Variants in RSPO3 observed in about 807,000 individuals in gnomAD.
RSPO3 encodes R-spondin 3.
In RSPO3, 17 loss-of-function variants were observed where a neutral mutation model predicts 36.5. That is an observed-to-expected ratio of 0.47 (90% confidence interval 0.32 to 0.70). The LOEUF is 0.70. RSPO3 is among the 30% of genes least tolerant of loss of function. The probability of loss-of-function intolerance (pLI) is 0.04; values close to 1 mark genes in which losing one functional copy is unlikely to be tolerated. For missense variants in RSPO3, 294 were observed against 322.5 expected, an observed-to-expected ratio of 0.91 and a Z score of 0.68; for synonymous variants, 108 against 107.0, an observed-to-expected ratio of 1.01 and a Z score of -0.06.
chr6:127,152,901 A>G (rs550199374), intron 3 of RSPO3, among the ~76,000 whole-genome samples: 2 of 152,126 alleles, frequency 1.3e-5, no homozygotes, highest in South Asian at 4.1e-4. Context: ...CAGAGAGAAT[A>G]TATCTCACTT....
At position 127,197,145 on chromosome 6, in the gene RSPO3, A is replaced by G. The variant is rs944219339; in HGVS notation, c.*1138A>G. On this transcript the variant is annotated 3_prime_UTR_variant, in exon 5 of 5. Transcript: ENST00000356698. ...TGCTAACTCAGAGAACCTGGTTCCT[A>G]TGTAATTCAGAATATATTACATTTC... 1 of 284,008 alleles carries G rather than the reference A, an allele frequency of 3.5e-6. No homozygotes were observed. The allele number at this position is 284,008 out of a possible 1,614,324, so 17.6% of individuals were successfully genotyped here. A position where few individuals can be genotyped will look rare whatever the true frequency, so the allele number is the denominator to read the frequency against.
rs545653102 is a variant in RSPO3 at position 127,145,295 on chromosome 6, T to C, written c.98-3353T>C. Among the ~76,000 whole-genome samples the C allele has an allele frequency of 1.1e-3, 165 of 152,246 alleles. 1 individual carries two copies. The highest frequency in any genetic ancestry group is 4.1e-3 in the South Asian group (20 of 4,820). On this transcript the variant is annotated intron_variant, in intron 1 of 4. Coordinates refer to ENST00000356698, the MANE Select transcript of RSPO3 (RefSeq NM_032784.5). ...CATGCATCCCTTCCTCACTACATTA[T>C]ATTGCCTCTGCCGTACTTTAAGTTA...
chr6:127,163,208 A>G (rs1015294257), intron 4 of RSPO3, among the ~76,000 whole-genome samples: 1 of 152,090 alleles, frequency 6.6e-6, no homozygotes, highest in Non-Finnish European at 1.5e-5. Context: ...ATATTTCTCC[A>G]GCAAAAAGAC....
chr6:127,184,533 T>C (rs1029402924), intron 4 of RSPO3, among the ~76,000 whole-genome samples: 1 of 151,988 alleles, frequency 6.6e-6, no homozygotes, highest in Non-Finnish European at 1.5e-5. Flanking sequence ...AGTCTATGCA[T>C]AGGAGGTTGA....
At chr6:127,119,328 C>A in intron 1 of RSPO3, 39 bp downstream of exon 1, 2 of 1,463,390 alleles carry the variant, frequency 1.4e-6, no homozygotes, top group Non-Finnish European at 1.9e-6. Flanking sequence ...TCCCTCCCGC[C>A]GCGTTCACCT....
intron 4 of RSPO3, among the ~76,000 whole-genome samples, chr6:127,176,677 C>T (rs983980959): frequency 6.6e-6 from 1 of 151,560 alleles, no homozygotes; most frequent in African/African-American, 2.4e-5. Flanking sequence ...TATAATAATC[C>T]AGGGTTTGAA....
At chr6:127,151,796 C>T (rs1774495830) in intron 3 of RSPO3, among the ~76,000 whole-genome samples, 1 of 151,974 alleles carries the variant, frequency 6.6e-6, no homozygotes, top group Non-Finnish European at 1.5e-5. Context: ...AAAAAAGCAA[C>T]TTAGGAATAG....
chr6:127,177,770 A>G (rs978392643), intron 4 of RSPO3, among the ~76,000 whole-genome samples: 3 of 147,860 alleles, frequency 2.0e-5, no homozygotes, highest in Admixed American at 6.8e-5. Flanking sequence ...CAAGAAGCCA[A>G]TTTTTTTTTT....
At chr6:127,171,888 A>G (rs533376168) in intron 4 of RSPO3, among the ~76,000 whole-genome samples, 100 of 151,804 alleles carry the variant, frequency 6.6e-4, no homozygotes, top group Non-Finnish European at 1.2e-3. Context: ...CTGATCATTT[A>G]TAATTAATAT....
intron 4 of RSPO3, among the ~76,000 whole-genome samples, chr6:127,158,986 T>C (rs1057383804): frequency 6.6e-6 from 1 of 152,158 alleles, no homozygotes; most frequent in Non-Finnish European, 1.5e-5. Context: ...TATTATCACA[T>C]GTGTATTGAA....
chr6:127,129,090 T>C (rs1392944869), intron 1 of RSPO3, among the ~76,000 whole-genome samples: 4 of 152,096 alleles, frequency 2.6e-5, no homozygotes, highest in African/African-American at 9.7e-5. Context: ...TAACGAGAAA[T>C]AAATGTCCTT....
intron 1 of RSPO3, among the ~76,000 whole-genome samples, chr6:127,144,975 T>G (rs1488474228): frequency 2.0e-5 from 3 of 152,104 alleles, no homozygotes; most frequent in African/African-American, 7.2e-5. Flanking sequence ...GACTCATGTG[T>G]GCATCTCCAA....
chr6:127,155,915 A>T (rs1248408412), intron 4 of RSPO3, among the ~76,000 whole-genome samples: 1 of 150,970 alleles, frequency 6.6e-6, no homozygotes, highest in Non-Finnish European at 1.5e-5. Flanking sequence ...CATATATATA[A>T]AATTAAAGAC....
intron 3 of RSPO3, among the ~76,000 whole-genome samples, chr6:127,153,299 T>C (rs1774526959): frequency 6.6e-6 from 1 of 152,108 alleles, no homozygotes; most frequent in Non-Finnish European, 1.5e-5. Context: ...ATGATCTGAA[T>C]AGAACCTAAA....
At chr6:127,183,678 C>T (rs190731300) in intron 4 of RSPO3, among the ~76,000 whole-genome samples, 28 of 152,116 alleles carry the variant, frequency 1.8e-4, no homozygotes, top group African/African-American at 6.7e-4. Context: ...GAGAAAGGAG[C>T]TACCACAGCC....
intron 1 of RSPO3, among the ~76,000 whole-genome samples, chr6:127,126,009 C>A (rs904796815): frequency 6.6e-6 from 1 of 151,996 alleles, no homozygotes; most frequent in East Asian, 1.9e-4. Flanking sequence ...TTCTTTTAAT[C>A]AAATCAGTAG....
intron 1 of RSPO3, among the ~76,000 whole-genome samples, chr6:127,121,706 A>C (rs1195452789): frequency 6.6e-6 from 1 of 152,206 alleles, no homozygotes; most frequent in Non-Finnish European, 1.5e-5. Flanking sequence ...GCATGTGCAC[A>C]AACTCAGATA....
chr6:127,169,261 C>T lies in RSPO3; in HGVS notation c.634+13823C>T, dbSNP rs1774888356. ...TTATTTTGCTTTGTTTTTGTAATTA[C>T]AACTTCTCCTTCTCAGATGCTGATT... On this transcript the variant is annotated intron_variant, in intron 4 of 4. Coordinates refer to ENST00000356698, the MANE Select transcript of RSPO3 (RefSeq NM_032784.5). Among the ~76,000 whole-genome samples the T allele has an allele frequency of 2.0e-5, 3 of 151,404 alleles. No individual in the cohort carries two copies. In the South Asian group the frequency reaches 6.3e-4, roughly 32 times the overall value.
chr6:127,180,333 T>C (rs1449749813), intron 4 of RSPO3, among the ~76,000 whole-genome samples: 1 of 151,446 alleles, frequency 6.6e-6, no homozygotes, highest in Non-Finnish European at 1.5e-5. Flanking sequence ...AAGAGTCAGA[T>C]TCAGAAGGGC....
Sources: allele counts gnomAD v4.1 joint callset (sites outside exome capture counted in the v4.1 genomes callset), GRCh38; gene constraint gnomAD v4.1.1; transcripts MANE v1.5; gene names NCBI Gene and HGNC (gene_info 2026-07-23, HGNC 2026-07-21).